The following PRR5L variants were observed in gnomAD, a reference collection of about 807,000 sequenced individuals.
PRR5L encodes the protein proline-rich protein 5-like.
Under a neutral mutation model 36.4 loss-of-function variants are expected in PRR5L, and 21 were observed. The observed-to-expected ratio is 0.58, with a 90% CI of 0.41 to 0.83. The LOEUF (loss-of-function observed/expected upper bound fraction) is 0.83. PRR5L is among the 40% of genes least tolerant of loss of function. The pLI, the probability that PRR5L is intolerant of heterozygous loss-of-function variation, is 0.00. For missense variants in PRR5L, 381 were observed against 473.3 expected, an observed-to-expected ratio of 0.80 and a Z score of 1.81; for synonymous variants, 188 against 197.0, an observed-to-expected ratio of 0.95 and a Z score of 0.38.
rs150504227 is a variant in PRR5L, at chr11:36,437,147, C to T, written c.353-238C>T. 3.1e-3 allele frequency among the ~76,000 whole-genome samples: 468 copies of T among 152,270 alleles called. 2 individuals carry two copies. The highest frequency in any genetic ancestry group is 0.011 in the African/African-American group (440 of 41,534). ...TAAGACCAGAGAGTTAGGATCAATA[C>T]GTGCACCCTTGTGAGATGGAATATA... On this transcript the variant is annotated intron_variant, in intron 5 of 8. Transcript: ENST00000530639.
intron 5 of PRR5L, among the ~76,000 whole-genome samples, chr11:36,433,404 C>T (rs952123483): frequency 6.6e-6 from 1 of 152,188 alleles, no homozygotes; most frequent in Non-Finnish European, 1.5e-5. Context: ...TCCTCAAATT[C>T]ATGTTGTAGC....
At chr11:36,402,007 C>T (rs1857808311) in intron 2 of PRR5L, among the ~76,000 whole-genome samples, 1 of 152,162 alleles carries the variant, frequency 6.6e-6, no homozygotes, top group Admixed American at 6.5e-5. Flanking sequence ...TTGGCATAAA[C>T]CCAAGATTAT....
intron 4 of PRR5L, among the ~76,000 whole-genome samples, chr11:36,422,238 G>A (rs1010168471): frequency 2.2e-4 from 33 of 152,158 alleles, no homozygotes; most frequent in African/African-American, 6.3e-4. Context: ...ACGTCCCAGA[G>A]GGAAGGCTTG....
chr11:36,349,330 A>G (rs924690010), intron 1 of PRR5L, among the ~76,000 whole-genome samples: 1 of 134,694 alleles, frequency 7.4e-6, no homozygotes, highest in African/African-American at 2.9e-5. Flanking sequence ...TGTTGTTTCT[A>G]AAAGCAACTA....
chr11:36,361,563 G>A (rs1418450320), intron 1 of PRR5L, among the ~76,000 whole-genome samples: 1 of 152,142 alleles, frequency 6.6e-6, no homozygotes, highest in Non-Finnish European at 1.5e-5. Context: ...CAAAAAGTTT[G>A]AGTCACTGAT....
intron 1 of PRR5L, among the ~76,000 whole-genome samples, chr11:36,399,232 C>T (rs1857735854): frequency 1.3e-5 from 2 of 152,178 alleles, no homozygotes; most frequent in Admixed American, 6.5e-5. Flanking sequence ...AACTGTTGAA[C>T]TCATTCTGAG....
rs1019559615 is a variant in PRR5L at position 36,463,138 on chromosome 11, C to T, written c.*402C>T. ...ATATAACCACCAAGGATGTGTTGGC[C>T]TTTGGAGTTCCCCTTTAGGTTCCTA... On this transcript the variant is annotated 3_prime_UTR_variant, in exon 9 of 9. Transcript: ENST00000530639. 1 of 166,130 alleles carries T rather than the reference C, an allele frequency of 6.0e-6. No homozygotes were observed. The highest frequency in any genetic ancestry group is 1.3e-5 in the Non-Finnish European group (1 of 77,974). The allele number at this position is 166,130 out of a possible 1,614,324, so 10.3% of individuals were successfully genotyped here.
chr11:36,404,277 T>TTTTTG (rs774734567), intron 3 of PRR5L, among the ~76,000 whole-genome samples: 20,831 of 136,204 alleles, frequency 0.15, 1,761 homozygotes, highest in African/African-American at 0.3. Flanking sequence ...TCTTTTTTTT[T>TTTTTG]TTTTTTTTTT....
At chr11:36,423,187 C>T (rs1485452471) in intron 4 of PRR5L, among the ~76,000 whole-genome samples, 1 of 152,140 alleles carries the variant, frequency 6.6e-6, no homozygotes, top group Non-Finnish European at 1.5e-5. Context: ...AACTTAGCTA[C>T]TACCGTTGTC....
rs1322793457 is a variant in PRR5L, at chr11:36,462,703, G to A, written c.1074G>A (p.Glu358=). The part of the protein sequence containing the change: ...GLEEGARGSQ[E]GSELNCASLS The stretch of plus-strand genomic sequence containing the variant: ...AGGAGGGGGCCAGGGGCAGCCAGGA[G>A]GGCTCGGAGCTGAACTGTGCTTCCC... The change falls in exon 9 of 9, where the codon GAG becomes GAA. Residue 358 remains glutamate (E), a synonymous_variant. Coordinates refer to ENST00000530639, the MANE Select transcript of PRR5L (RefSeq NM_001160167.2). The A allele has an allele frequency of 5.6e-6, 9 of 1,593,274 alleles. No homozygotes were observed. Among genetic ancestry groups the A allele is most frequent in the Non-Finnish European group, 6.8e-6 (8 of 1,170,296 alleles).
chr11:36,341,560 A>T (rs1327959175), intron 1 of PRR5L, among the ~76,000 whole-genome samples: 3 of 152,178 alleles, frequency 2.0e-5, no homozygotes, highest in Non-Finnish European at 4.4e-5. Flanking sequence ...CCGTCACAGT[A>T]AGCAGAGCCA....
At chr11:36,393,675 C>A (rs1474262931) in intron 1 of PRR5L, among the ~76,000 whole-genome samples, 1 of 152,116 alleles carries the variant, frequency 6.6e-6, no homozygotes, top group Non-Finnish European at 1.5e-5. Context: ...TTCATGGTTT[C>A]ATATAAATTT....
rs112418180 is a variant in PRR5L, at chr11:36,377,246, C to A, written c.-125-23751C>A. On this transcript the variant is annotated intron_variant, in intron 1 of 8. Transcript: ENST00000530639. This position sits in a 1 kb window ranked among gnomAD's most constrained non-coding sequence, Gnocchi z 5.1. ...CCACTTTGTCCCGTGCGCTGCTGCA[C>A]GCGCGCGCTCTGCGGACTAGGGTGG... Among the ~76,000 whole-genome samples, 1 of 152,202 alleles carries A rather than the reference C, an allele frequency of 6.6e-6. No individual in the cohort carries two copies. The highest frequency in any genetic ancestry group is 2.1e-4 in the South Asian group (1 of 4,834).
intron 3 of PRR5L, among the ~76,000 whole-genome samples, chr11:36,405,807 C>T (rs1857897998): frequency 1.3e-5 from 2 of 152,128 alleles, no homozygotes; most frequent in Admixed American, 6.5e-5. Flanking sequence ...GGCCCTCTTC[C>T]CGACTGGAAG....
At chr11:36,368,999 C>G (rs1736985376) in intron 1 of PRR5L, among the ~76,000 whole-genome samples, 1 of 152,112 alleles carries the variant, frequency 6.6e-6, no homozygotes, top group African/African-American at 2.4e-5. Context: ...AGGAAATGCT[C>G]AGGAAAGAAG....
At chr11:36,356,805 C>T (rs1421161477) in intron 1 of PRR5L, among the ~76,000 whole-genome samples, 1 of 152,120 alleles carries the variant, frequency 6.6e-6, no homozygotes, top group African/African-American at 2.4e-5. Flanking sequence ...CTCTCCCTCT[C>T]CTGGGGCCTT....
intron 8 of PRR5L, chr11:36,454,153 T>TA (rs1859000225): frequency 6.6e-6 from 1 of 152,266 alleles, no homozygotes; most frequent in Non-Finnish European, 1.5e-5. Flanking sequence ...GGATACTTTA[T>TA]CAGCTGCCCC....
At chr11:36,338,566 C>A (rs1159757393) in intron 1 of PRR5L, among the ~76,000 whole-genome samples, 5 of 152,100 alleles carry the variant, frequency 3.3e-5, no homozygotes, top group African/African-American at 9.7e-5. Flanking sequence ...TTAGATCTTA[C>A]CCCTCACTTC....
chr11:36,390,505 G>A (rs901010593), intron 1 of PRR5L, among the ~76,000 whole-genome samples: 8 of 152,158 alleles, frequency 5.3e-5, no homozygotes, highest in African/African-American at 9.7e-5. Flanking sequence ...TTCCAGCATC[G>A]TTTCTCATGA....
Sources: gnomAD v4.1 joint callset for allele counts (sites outside exome capture counted in the v4.1 genomes callset) on GRCh38, gnomAD v4.1.1 for gene constraint, Gnocchi (gnomAD v3.1) non-coding constraint, MANE v1.5 for transcripts, NCBI Gene and HGNC (gene_info 2026-07-23, HGNC 2026-07-21) for gene names.